The following UPRT variants were observed in gnomAD, a reference collection of about 807,000 sequenced individuals.
The protein encoded by UPRT is uracil phosphoribosyltransferase homolog.
A neutral mutation model predicts 22.6 loss-of-function variants in UPRT; 5 were observed. That is an observed-to-expected ratio of 0.22 (90% confidence interval 0.12 to 0.47). UPRT has a LOEUF of 0.47. Ranked by LOEUF, UPRT falls within the 20% of genes least tolerant of loss-of-function variation. The pLI, the probability that UPRT is intolerant of heterozygous loss-of-function variation, is 0.99. For missense variants in UPRT, 181 were observed against 239.9 expected (o/e 0.75, Z 1.62); for synonymous variants, 77 against 87.7 (o/e 0.88, Z 0.68).
chrX:75,212,108 A>G (rs2082381783), intron 4 of UPRT, among the ~76,000 whole-genome samples: 1 of 112,238 alleles, frequency 8.9e-6, no homozygotes, highest in Non-Finnish European at 1.9e-5. Context: ...CCAAACTACC[A>G]TGGAATGTTT....
chrX:75,191,209 A>G (rs964780110), intron 4 of UPRT, among the ~76,000 whole-genome samples: 2 of 112,220 alleles, frequency 1.8e-5, no homozygotes, highest in Admixed American at 9.4e-5. Flanking sequence ...CAGGACCCTT[A>G]GCTGCAGGTC....
chrX:75,177,520 A>G (rs1270416515), intron 4 of UPRT, among the ~76,000 whole-genome samples: 1 of 110,942 alleles, frequency 9.0e-6, no homozygotes. Flanking sequence ...TTCTCCTGTT[A>G]GTATTGGGAC....
chrX:75,276,618 A>C (rs1190410294), intron 1 of UPRT, among the ~76,000 whole-genome samples: 1 of 110,436 alleles, frequency 9.1e-6, no homozygotes, highest in African/African-American at 3.3e-5. Context: ...TGGGTCTTCG[A>C]CTCCCTCGTA....
At chrX:75,162,708 C>A (rs1239432687) in intron 2 of UPRT, among the ~76,000 whole-genome samples, 1 of 111,294 alleles carries the variant, frequency 9.0e-6, no homozygotes, top group Non-Finnish European at 1.9e-5. Flanking sequence ...CTTACTAACC[C>A]GAATCATTAT....
At chrX:75,235,150 A>G (rs1426148737) in intron 4 of UPRT, among the ~76,000 whole-genome samples, 2 of 111,568 alleles carry the variant, frequency 1.8e-5, no homozygotes, top group Admixed American at 1.9e-4. Context: ...AGAGAATACT[A>G]TAAACACATC....
intron 4 of UPRT, among the ~76,000 whole-genome samples, chrX:75,192,663 A>G (rs1237764766): frequency 8.9e-6 from 1 of 112,122 alleles, no homozygotes; most frequent in Non-Finnish European, 1.9e-5. Context: ...CTGTGTATAT[A>G]TTTAGGGTAG....
intron 4 of UPRT, among the ~76,000 whole-genome samples, chrX:75,268,169 A>C (rs994047655): frequency 9.0e-6 from 1 of 111,720 alleles, no homozygotes; most frequent in African/African-American, 3.3e-5. Context: ...AGAAATGAAT[A>C]AATTCCTGGA....
chrX:75,185,238 T>A (rs1231676621), intron 4 of UPRT, among the ~76,000 whole-genome samples: 1 of 112,148 alleles, frequency 8.9e-6, no homozygotes, highest in South Asian at 3.7e-4. Context: ...GAAGCGTTGT[T>A]GAATTTTGTC....
At chrX:75,274,817 T>A in intron 1 of UPRT, 177 bp downstream of exon 1, 1 of 371,456 alleles carries the variant, frequency 2.7e-6, no homozygotes, top group Non-Finnish European at 4.2e-6. Context: ...TGTGTGTGTG[T>A]CGTGTAACTC....
chrX:75,265,109 A>T (rs781032919), intron 4 of UPRT, among the ~76,000 whole-genome samples: 1 of 111,516 alleles, frequency 9.0e-6, no homozygotes, highest in African/African-American at 3.3e-5. Flanking sequence ...GGCTGCCCTT[A>T]ACATTTTTTC....
intron 4 of UPRT, among the ~76,000 whole-genome samples, chrX:75,260,976 A>T (rs891071516): frequency 1.8e-5 from 2 of 112,317 alleles, no homozygotes; most frequent in African/African-American, 3.2e-5. Flanking sequence ...ACTACATGGA[A>T]ACTAAACAAC....
intron 1 of UPRT, chrX:75,156,565 T>G (rs1187099519): frequency 4.5e-6 from 2 of 446,020 alleles, no homozygotes; most frequent in African/African-American, 2.4e-5. Context: ...AGTTTCAATT[T>G]TACATAAACA....
Position 75,178,975 on chromosome X carries a change from G to A in UPRT, c.-447+11096G>A, listed in dbSNP as rs762565878. Among the ~76,000 whole-genome samples, 16 of 111,478 alleles carry A rather than the reference G, an allele frequency of 1.4e-4. No individual in the cohort carries two copies. In the South Asian group the frequency reaches 3.5e-3, roughly 24 times the overall value. ...GTTTTGACAGGGCGCTGATTGGTGC[G>A]TTTACAATCCCTGAGCTAGATAAAA... On this transcript the variant is annotated intron_variant, in intron 4 of 13. Coordinates refer to the UPRT transcript ENST00000652605.
chrX:75,262,038 G>A (rs1297283361), intron 4 of UPRT, among the ~76,000 whole-genome samples: 4 of 111,251 alleles, frequency 3.6e-5, no homozygotes, highest in Non-Finnish European at 7.5e-5. Context: ...CAGAGAGAAA[G>A]GTCAGCTTAC....
chrX:75,226,153 T>C (rs1037856679), intron 4 of UPRT, among the ~76,000 whole-genome samples: 4 of 111,356 alleles, frequency 3.6e-5, no homozygotes, highest in African/African-American at 1.3e-4. Context: ...ACATGCAATC[T>C]ACCAGCAAAA....
chrX:75,195,914 GA>G (rs1404930690), intron 4 of UPRT, among the ~76,000 whole-genome samples: 1 of 111,883 alleles, frequency 8.9e-6, no homozygotes. Context: ...TGGAGTGATG[GA>G]AAAAACTTAA....
chrX:75,215,789 A>G (rs1041733606), intron 4 of UPRT, among the ~76,000 whole-genome samples: 18 of 111,509 alleles, frequency 1.6e-4, no homozygotes, highest in African/African-American at 5.9e-4. Flanking sequence ...TAACCATGTG[A>G]CAAATCTGCA....
intron 4 of UPRT, among the ~76,000 whole-genome samples, chrX:75,195,210 C>T (rs949156097): frequency 5.3e-5 from 6 of 112,392 alleles, no homozygotes; most frequent in Admixed American, 1.9e-4. Flanking sequence ...TGGAGCTCTT[C>T]GCCAGTCATG....
At chrX:75,289,194 G>GA (rs927961351) in intron 1 of UPRT, among the ~76,000 whole-genome samples, 1 of 110,431 alleles carries the variant, frequency 9.1e-6, no homozygotes, top group African/African-American at 3.3e-5. Flanking sequence ...GTAAATAAAT[G>GA]AAAAAAAGTT....
Sources: gnomAD v4.1 joint callset for allele counts (sites outside exome capture counted in the v4.1 genomes callset) on GRCh38, gnomAD v4.1.1 for gene constraint, MANE v1.5 for transcripts, NCBI Gene and HGNC (gene_info 2026-07-23, HGNC 2026-07-21) for gene names.